KIF25: variants seen among roughly 807,000 people sequenced by gnomAD.
KIF25 encodes the protein kinesin family member 25.
A neutral mutation model predicts 32.9 loss-of-function variants in KIF25; 19 were observed. The observed-to-expected ratio is 0.58, with a 90% CI of 0.40 to 0.85. The LOEUF (loss-of-function observed/expected upper bound fraction) is 0.85. Ranked by LOEUF, KIF25 falls within the 40% of genes least tolerant of loss-of-function variation. The probability of loss-of-function intolerance (pLI) is 0.00; values close to 1 mark genes in which losing one functional copy is unlikely to be tolerated. For missense variants in KIF25, 485 were observed against 507.0 expected (o/e 0.96, Z 0.42); for synonymous variants, 225 against 213.7 (o/e 1.05, Z -0.46).
chr6:168,039,940 C>A, intron 9 of KIF25, 125 bp from the exon 10 acceptor site: 1 of 1,214,602 alleles, frequency 8.2e-7, no homozygotes. Context: ...CTGAGACTGG[C>A]TTCAGTACCC....
intron 5 of KIF25, 139 bp from the exon 6 acceptor site, chr6:168,029,353 A>T: frequency 1.7e-6 from 1 of 575,132 alleles, no homozygotes; most frequent in Non-Finnish European, 2.9e-6. Context: ...CTAAAACACC[A>T]GCTGGAAAAA....
chr6:168,025,522 G>A (rs1331357296), intron 5 of KIF25, among the ~76,000 whole-genome samples: 2 of 152,094 alleles, frequency 1.3e-5, no homozygotes, highest in Non-Finnish European at 2.9e-5. Context: ...AGCTGGTGTC[G>A]GTGGTAGATA....
At chr6:168,015,108 A>G (rs952901778) in intron 4 of KIF25, among the ~76,000 whole-genome samples, 1 of 152,152 alleles carries the variant, frequency 6.6e-6, no homozygotes, top group African/African-American at 2.4e-5. Context: ...GTTCTTTTTT[A>G]ACGTGGGTTC....
At position 168,045,041 on chromosome 6, in the gene KIF25, G is replaced by C. The variant is rs767982955; in HGVS notation, c.*45G>C. On this transcript the variant is annotated 3_prime_UTR_variant, in exon 13 of 13. Transcript: ENST00000643607. ...TCCTAAAACTGTGTTTCTTGTCCTT[G>C]CTTTATAATGCATATGTGCTTAGAA... 43 of 1,528,330 alleles carry C rather than the reference G, an allele frequency of 2.8e-5. No homozygotes were observed. Among genetic ancestry groups the C allele is most frequent in the Non-Finnish European group, 3.8e-5 (43 of 1,126,904 alleles). 94.7% of individuals were successfully genotyped at this position (1,528,330 alleles called of 1,614,324 possible).
chr6:168,017,279 C>A (rs536746936), intron 4 of KIF25, among the ~76,000 whole-genome samples: 1 of 152,174 alleles, frequency 6.6e-6, no homozygotes, highest in Non-Finnish European at 1.5e-5. Flanking sequence ...TGGAAAAAAT[C>A]CAGTGCCTCT....
rs1197341757 is a variant in KIF25 at position 167,998,059 on chromosome 6, T to C, written c.-1410T>C. The C allele has an allele frequency of 1.3e-5, 2 of 152,224 alleles. No homozygotes were observed. The highest frequency in any genetic ancestry group is 2.9e-5 in the Non-Finnish European group (2 of 68,046). The allele number at this position is 152,224 out of a possible 1,614,324, so 9.4% of individuals were successfully genotyped here. A position where few individuals can be genotyped will look rare whatever the true frequency, so the allele number is the denominator to read the frequency against. ...TTTGAAACCATTTGGTGTATTTTCT[T>C]ATTTAATCTTCACAATAGCACCACC... On this transcript the variant is annotated 5_prime_UTR_variant, in exon 1 of 13. Coordinates refer to ENST00000643607, the MANE Select transcript of KIF25 (RefSeq NM_030615.4).
chr6:168,044,695 T>C, intron 12 of KIF25, 132 bp from the exon 13 acceptor site: 1 of 887,028 alleles, frequency 1.1e-6, no homozygotes, highest in South Asian at 1.7e-5. Context: ...CTGCCAGACG[T>C]GGCCACTTTC....
chr6:168,038,565 A>G lies in KIF25; in HGVS notation c.330A>G (p.Glu110=). ...TGTTTTCCCGCAGGCTCATTTTGGA[A>G]AATACCTCAAGAAGCCCAAAGGTTG... The part of the protein sequence containing the change: ...VAEELFRLIL[E]NTSRSPKVEV... Residue 110 remains glutamate, a synonymous_variant, in exon 9 of 13, where the codon GAA becomes GAG. Coordinates refer to ENST00000643607, the MANE Select transcript of KIF25 (RefSeq NM_030615.4). 1.9e-6 allele frequency: 3 copies of G among 1,614,064 alleles called. No individual in the cohort carries two copies. In the South Asian group the frequency reaches 3.3e-5, roughly 18 times the overall value.
chr6:167,998,162 T>C lies in KIF25; in HGVS notation c.-1307T>C, dbSNP rs1323880752. The C allele has an allele frequency of 2.2e-5, 3 of 139,092 alleles. No homozygotes were observed. The highest frequency in any genetic ancestry group is 1.4e-4 in the Admixed American group (2 of 14,132). 8.6% of individuals were successfully genotyped at this position (139,092 alleles called of 1,614,324 possible). A position where few individuals can be genotyped will look rare whatever the true frequency, so the allele number is the denominator to read the frequency against. ...TCAGAAAGTCTCACTACGCTGCAGC[T>C]TTTTTTTTTTTTAATCTGGAGCATG... On this transcript the variant is annotated 5_prime_UTR_variant, in exon 1 of 13. Coordinates refer to ENST00000643607, the MANE Select transcript of KIF25 (RefSeq NM_030615.4).
intron 8 of KIF25, among the ~76,000 whole-genome samples, chr6:168,034,512 G>A (rs1327842747): frequency 6.6e-6 from 1 of 152,140 alleles, no homozygotes; most frequent in Non-Finnish European, 1.5e-5. Flanking sequence ...ACTCGCCTCG[G>A]CCTCCCAAAG....
chr6:168,018,662 G>A (rs1470529022), intron 5 of KIF25, among the ~76,000 whole-genome samples: 1 of 152,224 alleles, frequency 6.6e-6, no homozygotes, highest in Non-Finnish European at 1.5e-5. Context: ...TCCCAGGGTG[G>A]TAGGAGAGCC....
chr6:168,002,834 G>C (rs1421195373), intron 3 of KIF25, among the ~76,000 whole-genome samples, 175 bp downstream of exon 3: 1 of 152,194 alleles, frequency 6.6e-6, no homozygotes, highest in East Asian at 1.9e-4. Flanking sequence ...CCTGTAACTA[G>C]AGGGTCCTAT....
At chr6:168,027,358 C>T (rs955983683) in intron 5 of KIF25, among the ~76,000 whole-genome samples, 1 of 147,590 alleles carries the variant, frequency 6.8e-6, no homozygotes, top group Non-Finnish European at 1.5e-5. Context: ...GAGGCTGAGG[C>T]AGGGAGAATC....
At chr6:168,029,279 T>C (rs1186017331) in intron 5 of KIF25, among the ~76,000 whole-genome samples, 3 of 152,220 alleles carry the variant, frequency 2.0e-5, no homozygotes, top group African/African-American at 7.2e-5. Context: ...ACCCTTGCCA[T>C]AGATTAGGAA....
chr6:168,038,772 A>T (rs1486125350), intron 9 of KIF25, 43 bp downstream of exon 9: 1 of 1,589,534 alleles, frequency 6.3e-7, no homozygotes, highest in Admixed American at 1.7e-5. Context: ...TCTGAGTGAG[A>T]ATGGCACCTG....
At position 168,045,008 on chromosome 6, in the gene KIF25, A is replaced by G. The variant is rs201202103; in HGVS notation, c.*12A>G. ...GGAGGCCGGATTGAATGCATTAACA[A>G]GTTTTTCTCCTAAAACTGTGTTTCT... is the stretch of plus-strand genomic sequence containing the variant. On this transcript the variant is annotated 3_prime_UTR_variant, in exon 13 of 13. Coordinates refer to ENST00000643607, the MANE Select transcript of KIF25 (RefSeq NM_030615.4). 1.7e-5 allele frequency: 27 copies of G among 1,577,868 alleles called. No homozygotes were observed. Among genetic ancestry groups the G allele is most frequent in the Non-Finnish European group, 2.1e-5 (24 of 1,159,904 alleles).
intron 10 of KIF25, among the ~76,000 whole-genome samples, chr6:168,041,408 G>A (rs1049006380): frequency 8.6e-5 from 13 of 152,004 alleles, no homozygotes; most frequent in South Asian, 6.2e-4. Context: ...AAACGCTCCC[G>A]ATACAGGGGC....
intron 5 of KIF25, among the ~76,000 whole-genome samples, chr6:168,024,423 CTTTTTTTTT>C (rs56243912): frequency 2.4e-3 from 150 of 62,004 alleles, no homozygotes; most frequent in African/African-American, 9.5e-3. Flanking sequence ...AAACCTCTCT[CTTTTTTTTT>C]TTTTTTTTTT....
intron 2 of KIF25, among the ~76,000 whole-genome samples, chr6:168,002,004 A>G (rs1404427555): frequency 1.8e-4 from 22 of 122,164 alleles, no homozygotes; most frequent in African/African-American, 6.1e-4. Context: ...GCAGGTGAGA[A>G]AGACACCTGA....
Sources: allele counts gnomAD v4.1 joint callset (sites outside exome capture counted in the v4.1 genomes callset), GRCh38; gene constraint gnomAD v4.1.1; transcripts MANE v1.5; gene names NCBI Gene and HGNC (gene_info 2026-07-23, HGNC 2026-07-21).